Variants in AUTS2 observed in about 807,000 individuals in gnomAD.
AUTS2 encodes the protein activator of transcription and developmental regulator AUTS2, also known as autism susceptibility gene 2 protein.
Under a neutral mutation model 112.4 loss-of-function variants are expected in AUTS2, and 17 were observed. The ratio of observed to expected loss-of-function variants is 0.15; its 90% confidence interval spans 0.10 to 0.23. The LOEUF is 0.23. Among genes scored for constraint, AUTS2 ranks in the 10% least tolerant of loss-of-function variants. The pLI is 1.00. For synonymous variants in AUTS2, 751 were observed against 702.7 expected, an observed-to-expected ratio of 1.07 and a Z score of -1.09; for missense variants, 1,510 against 1,701.6, an observed-to-expected ratio of 0.89 and a Z score of 1.98.
chr7:70,432,933 A>G (rs1482101659), intron 4 of AUTS2, among the ~76,000 whole-genome samples: 1 of 152,166 alleles, frequency 6.6e-6, no homozygotes, highest in Non-Finnish European at 1.5e-5. Flanking sequence ...GGCAGACTCC[A>G]CGACTGGCCT....
At chr7:69,882,150 CAAAAAAAAAAAAAAAAA>C (rs57238970) in intron 1 of AUTS2, among the ~76,000 whole-genome samples, 1 of 57,134 alleles carries the variant, frequency 1.8e-5, no homozygotes, top group African/African-American at 6.3e-5. Context: ...AACTCTGTCT[CAAAAAAAAAAAAAAAAA>C]AAAAAAAAAA....
intron 2 of AUTS2, among the ~76,000 whole-genome samples, chr7:70,050,509 T>A (rs764020572): frequency 4.6e-4 from 70 of 152,068 alleles, no homozygotes; most frequent in Admixed American, 1.2e-3. Context: ...CCAGCTCTGT[T>A]ATTAGCCTTC....
intron 1 of AUTS2, among the ~76,000 whole-genome samples, chr7:69,835,246 G>C (rs1166472924): frequency 6.6e-6 from 1 of 151,986 alleles, no homozygotes; most frequent in Non-Finnish European, 1.5e-5. Context: ...CTCATTAATG[G>C]TGGTCTGAAA....
At position 70,342,921 on chromosome 7, in the gene AUTS2, GA is replaced by G. The variant is rs534960260; in HGVS notation, c.661-92827del. 8.4e-3 allele frequency among the ~76,000 whole-genome samples: 1,275 copies of G among 152,244 alleles called. 3 individuals carry two copies. The highest frequency in any genetic ancestry group is 0.015 in the Non-Finnish European group (1,011 of 68,026). The stretch of plus-strand genomic sequence containing the variant: ...GTGGCAGTGTTTTGTTCTAAAGTTG[GA>G]AAAGACCTTGTAGTTTTTTAAAGAG... On this transcript the variant is annotated intron_variant, in intron 4 of 18. Coordinates refer to ENST00000342771, the MANE Select transcript of AUTS2 (RefSeq NM_015570.4).
intron 1 of AUTS2, among the ~76,000 whole-genome samples, chr7:69,611,726 C>A (rs962648561): frequency 3.3e-5 from 5 of 150,560 alleles, no homozygotes; most frequent in African/African-American, 1.2e-4. Context: ...GTCAGGAGAT[C>A]GAGACCATCC....
intron 2 of AUTS2, among the ~76,000 whole-genome samples, chr7:70,084,783 G>A (rs933635886): frequency 6.6e-6 from 1 of 152,034 alleles, no homozygotes; most frequent in South Asian, 2.1e-4. Flanking sequence ...CGGATATATG[G>A]TATACAAATA....
intron 1 of AUTS2, among the ~76,000 whole-genome samples, chr7:69,767,284 A>C (rs1056241437): frequency 6.6e-6 from 1 of 151,326 alleles, no homozygotes; most frequent in African/African-American, 2.4e-5. Context: ...GGCTCAAGTG[A>C]TCCTCCCACC....
At chr7:70,374,834 G>A (rs1287751530) in intron 4 of AUTS2, among the ~76,000 whole-genome samples, 1 of 152,178 alleles carries the variant, frequency 6.6e-6, no homozygotes, top group East Asian at 1.9e-4. Context: ...CAGTGTGTGT[G>A]TGTTTGGACA....
intron 1 of AUTS2, among the ~76,000 whole-genome samples, chr7:69,790,068 C>T (rs952210340): frequency 6.6e-6 from 1 of 151,870 alleles, no homozygotes; most frequent in African/African-American, 2.4e-5. Context: ...ATTGCTTGAG[C>T]TCAGGAGTTT....
chr7:69,688,229 C>T (rs1483425773), intron 1 of AUTS2, among the ~76,000 whole-genome samples: 1 of 152,180 alleles, frequency 6.6e-6, no homozygotes, highest in Non-Finnish European at 1.5e-5. Context: ...CCCTTCAGTG[C>T]GGAGTAAACA....
chr7:70,768,053 A>G lies in AUTS2; in HGVS notation c.1719A>G (p.Pro573=). ...ACAAATACCCTACAAAAGTTGACCCATTCTACCGGCACAGTGTGAGTTTCA... is the reference window on the plus strand; with the variant it reads ...ACAAATACCCTACAAAAGTTGACCCGTTCTACCGGCACAGTGTGAGTTTCA... ...MFDKYPTKVD[P]FYRHSLFHSY... Residue 573 remains proline, a synonymous_variant, in exon 10 of 19, where the codon CCA becomes CCG. Transcript: ENST00000342771. 1.2e-6 allele frequency: 2 copies of G among 1,606,168 alleles called. No homozygotes were observed. The highest frequency in any genetic ancestry group is 1.7e-6 in the Non-Finnish European group (2 of 1,177,396).
At chr7:70,429,527 C>T (rs1041873323) in intron 4 of AUTS2, among the ~76,000 whole-genome samples, 1 of 152,216 alleles carries the variant, frequency 6.6e-6, no homozygotes, top group Non-Finnish European at 1.5e-5. Context: ...GGTGGCATGA[C>T]TGAGCGTGAG....
chr7:70,373,099 A>T (rs1473075377), intron 4 of AUTS2, among the ~76,000 whole-genome samples: 5 of 151,762 alleles, frequency 3.3e-5, no homozygotes, highest in Non-Finnish European at 5.9e-5. Context: ...CACGTGAATA[A>T]TTTATGGAGG....
chr7:69,980,190 C>G (rs938827525), intron 2 of AUTS2, among the ~76,000 whole-genome samples: 1 of 152,194 alleles, frequency 6.6e-6, no homozygotes, highest in Non-Finnish European at 1.5e-5. Context: ...TCCAGTGATC[C>G]TCCAGCCTCA....
intron 5 of AUTS2, among the ~76,000 whole-genome samples, chr7:70,675,095 C>T (rs1254384510): frequency 7.5e-6 from 1 of 134,032 alleles, no homozygotes; most frequent in Non-Finnish European, 1.6e-5. Context: ...CAAATTAATC[C>T]TCCCCCCCCT....
intron 1 of AUTS2, among the ~76,000 whole-genome samples, chr7:69,712,693 AG>A (rs1212598560): frequency 2.0e-5 from 3 of 152,204 alleles, no homozygotes; most frequent in Non-Finnish European, 4.4e-5. Flanking sequence ...CTAGAATACA[AG>A]TCTTCGTATG....
In AUTS2 at chr7:70,789,974, G is replaced by GACGGGC. The variant is rs1402011135; in HGVS notation, c.2763_2768dup (p.Gly923_His924dup). 1.2e-6 allele frequency: 2 copies of GACGGGC among 1,612,288 alleles called. No homozygotes were observed. The highest frequency in any genetic ancestry group is 1.7e-6 in the Non-Finnish European group (2 of 1,179,378). On this transcript the variant is annotated inframe_insertion, in exon 19 of 19. Transcript: ENST00000342771. ...GAAAGAGGGCCACCTGCCCGAGAAG[G>GACGGGC]ACGGGCACGGCCACGAGGGGCGCGC...
chr7:70,120,634 T>G (rs569321046), intron 3 of AUTS2, among the ~76,000 whole-genome samples: 2 of 152,318 alleles, frequency 1.3e-5, no homozygotes, highest in African/African-American at 4.8e-5. Context: ...GAACGCCATG[T>G]TAGTTTAGGG....
intron 4 of AUTS2, among the ~76,000 whole-genome samples, chr7:70,153,134 C>A (rs1380742363): frequency 6.6e-6 from 1 of 152,108 alleles, no homozygotes; most frequent in Non-Finnish European, 1.5e-5. Context: ...TTCATAGTAG[C>A]TTTATTTGTA....
Sources: gnomAD v4.1 joint callset for allele counts (sites outside exome capture counted in the v4.1 genomes callset) on GRCh38, gnomAD v4.1.1 for gene constraint, MANE v1.5 for transcripts, NCBI Gene and HGNC (gene_info 2026-07-23, HGNC 2026-07-21) for gene names.